Variants in DNAH9 observed in about 807,000 individuals in gnomAD.
DNAH9 encodes DNAH9 variant protein.
In DNAH9, 345 loss-of-function variants were observed where a neutral mutation model predicts 471.6. That is an observed-to-expected ratio of 0.73 (90% CI 0.67 to 0.80). The LOEUF (loss-of-function observed/expected upper bound fraction) is 0.80. Ranked by LOEUF, DNAH9 falls within the 30% of genes least tolerant of loss-of-function variation. The pLI, the probability that DNAH9 is intolerant of heterozygous loss-of-function variation, is 0.00. For missense variants in DNAH9, 5,407 were observed against 5,609.2 expected (o/e 0.96, Z 1.15); for synonymous variants, 2,093 against 2,123.6 (o/e 0.99, Z 0.40).
At chr17:11,872,229 C>T (rs181100118) in intron 52 of DNAH9, among the ~76,000 whole-genome samples, 1 of 152,234 alleles carries the variant, frequency 6.6e-6, no homozygotes, top group East Asian at 1.9e-4. Context: ...GCCAGTGACT[C>T]ACAGATATCC....
At chr17:11,758,621 C>T (rs1196342120) in intron 35 of DNAH9, among the ~76,000 whole-genome samples, 1 of 152,094 alleles carries the variant, frequency 6.6e-6, no homozygotes, top group Non-Finnish European at 1.5e-5. Context: ...CAATGGTTTG[C>T]AAGCATGGAG....
At chr17:11,904,606 G>T (rs1215012447) in intron 60 of DNAH9, among the ~76,000 whole-genome samples, 1 of 144,028 alleles carries the variant, frequency 6.9e-6, no homozygotes, top group Admixed American at 7.2e-5. Flanking sequence ...ACTCCAGCCT[G>T]GGCGACAGAG....
At chr17:11,789,789 G>T (rs1212468725) in intron 41 of DNAH9, among the ~76,000 whole-genome samples, 1 of 151,798 alleles carries the variant, frequency 6.6e-6, no homozygotes, top group Non-Finnish European at 1.5e-5. Context: ...ATCATTAATT[G>T]TCATCCTTTG....
intron 43 of DNAH9, among the ~76,000 whole-genome samples, chr17:11,805,452 C>G (rs1019473463): frequency 1.1e-4 from 16 of 147,020 alleles, no homozygotes; most frequent in East Asian, 1.1e-3. Context: ...GACAGGAGCA[C>G]AGGATTGTAG....
chr17:11,760,769 C>T (rs377119200), intron 35 of DNAH9, among the ~76,000 whole-genome samples: 4 of 152,160 alleles, frequency 2.6e-5, no homozygotes, highest in African/African-American at 9.6e-5. Context: ...CTGCCCTCCT[C>T]GGCCTCCCAA....
At chr17:11,938,800 T>C (rs1003565922) in intron 66 of DNAH9, among the ~76,000 whole-genome samples, 30 of 152,084 alleles carry the variant, frequency 2.0e-4, no homozygotes. Flanking sequence ...GGTCGCACTA[T>C]GTTGCCTAGG....
chr17:11,621,407 CAAAAAAAAAA>C (rs34933930), intron 6 of DNAH9, among the ~76,000 whole-genome samples: 9 of 72,648 alleles, frequency 1.2e-4, no homozygotes, highest in Non-Finnish European at 2.1e-4. Flanking sequence ...GACTCCATCT[CAAAAAAAAAA>C]AAAAAAAAAA....
chr17:11,773,547 AATAT>A (rs1968302831), intron 38 of DNAH9, among the ~76,000 whole-genome samples: 1 of 151,966 alleles, frequency 6.6e-6, no homozygotes, highest in African/African-American at 2.4e-5. Context: ...GATTTTTTAA[AATAT>A]ATATAATATA....
intron 2 of DNAH9, among the ~76,000 whole-genome samples, chr17:11,608,953 C>T (rs1450794066): frequency 6.6e-6 from 1 of 152,126 alleles, no homozygotes; most frequent in South Asian, 2.1e-4. Context: ...ACCATGCTGA[C>T]TTTCGAGTTT....
intron 61 of DNAH9, among the ~76,000 whole-genome samples, chr17:11,910,566 T>TTGA (rs1973761750): frequency 1.3e-5 from 2 of 152,230 alleles, no homozygotes; most frequent in African/African-American, 4.8e-5. Flanking sequence ...CTCTTGAGTA[T>TTGA]ATACCTGGGA....
At chr17:11,658,115 T>C (rs1306366382) in intron 14 of DNAH9, among the ~76,000 whole-genome samples, 1 of 152,144 alleles carries the variant, frequency 6.6e-6, no homozygotes, top group African/African-American at 2.4e-5. Flanking sequence ...TTGAGGAAAA[T>C]AAAGACCTTA....
At chr17:11,779,668 A>G (rs1968596154) in intron 38 of DNAH9, among the ~76,000 whole-genome samples, 1 of 152,200 alleles carries the variant, frequency 6.6e-6, no homozygotes, top group Non-Finnish European at 1.5e-5. Context: ...TTCTAAGGAG[A>G]GAATTTCCTA....
intron 29 of DNAH9, among the ~76,000 whole-genome samples, 184 bp from the exon 30 acceptor site, chr17:11,741,991 A>T (rs150626672): frequency 7.4e-4 from 112 of 152,336 alleles, no homozygotes; most frequent in Admixed American, 2.7e-3. Flanking sequence ...TCTTCATGCT[A>T]ACTGCAGCAG....
At chr17:11,694,276 G>T in intron 21 of DNAH9, 45 bp from the exon 22 acceptor site, 1 of 1,608,932 alleles carries the variant, frequency 6.2e-7, no homozygotes, top group Admixed American at 1.7e-5. Flanking sequence ...GTATCCATGG[G>T]TCTAGACATT....
chr17:11,652,673 T>C lies in DNAH9; in HGVS notation c.2354-88T>C, dbSNP rs4792159. On this transcript the variant is annotated intron_variant, in intron 13 of 68. Coordinates refer to ENST00000262442, the MANE Select transcript of DNAH9 (RefSeq NM_001372.4). ...AGAAAAGTCTTATAACACTCGCAAGTATTAAATCCCTGTCTTTCATAGCAA... is the reference window on the plus strand; with the variant it reads ...AGAAAAGTCTTATAACACTCGCAAGCATTAAATCCCTGTCTTTCATAGCAA... 0.63 allele frequency: 758,945 copies of C among 1,203,312 alleles called. 241,398 individuals are homozygous for C. Among genetic ancestry groups the C allele is most frequent in the Admixed American group, 0.76 (38,025 of 50,192 alleles). The allele number at this position is 1,203,312 out of a possible 1,614,324, so 74.5% of individuals were successfully genotyped here.
intron 32 of DNAH9, among the ~76,000 whole-genome samples, chr17:11,751,245 T>C (rs932170442): frequency 6.6e-6 from 1 of 151,906 alleles, no homozygotes; most frequent in Non-Finnish European, 1.5e-5. Context: ...TTCAAAATCA[T>C]GAAAAGATAA....
intron 40 of DNAH9, 49 bp downstream of exon 40, chr17:11,783,797 C>T (rs778192018): frequency 2.1e-6 from 3 of 1,441,514 alleles, no homozygotes; most frequent in African/African-American, 1.4e-5. Flanking sequence ...CTTACTAGAG[C>T]TGATGCCCCT....
At chr17:11,918,172 C>T (rs1362497684) in intron 61 of DNAH9, among the ~76,000 whole-genome samples, 1 of 151,884 alleles carries the variant, frequency 6.6e-6, no homozygotes, top group African/African-American at 2.4e-5. Context: ...TGTTCCTGAC[C>T]CCATTCTTTT....
intron 45 of DNAH9, among the ~76,000 whole-genome samples, chr17:11,814,242 C>A (rs72813327): frequency 0.012 from 1,892 of 152,196 alleles, 18 homozygotes; most frequent in South Asian, 0.03. Flanking sequence ...GAAAAAAAAT[C>A]AGAATTATTC....
Sources: allele counts gnomAD v4.1 joint callset (sites outside exome capture counted in the v4.1 genomes callset), GRCh38; gene constraint gnomAD v4.1.1; transcripts MANE v1.5; gene names NCBI Gene and HGNC (gene_info 2026-07-23, HGNC 2026-07-21).